KIRREL3: variants seen among roughly 807,000 people sequenced by gnomAD.
The protein encoded by KIRREL3 is kin of IRRE-like protein 3.
KIRREL3 carries 36 observed loss-of-function variants against 89.7 expected under a neutral mutation model. The ratio of observed to expected loss-of-function variants is 0.40; its 90% CI spans 0.31 to 0.53. KIRREL3 has a LOEUF of 0.53. KIRREL3 is among the 20% of genes least tolerant of loss of function. The probability of loss-of-function intolerance (pLI) is 0.49; values close to 1 mark genes in which losing one functional copy is unlikely to be tolerated. For synonymous variants in KIRREL3, 445 were observed against 441.4 expected (o/e 1.01, Z -0.10); for missense variants, 864 against 1,056.6 (o/e 0.82, Z 2.53).
intron 1 of KIRREL3, among the ~76,000 whole-genome samples, chr11:126,952,722 T>C (rs1013615288): frequency 6.6e-6 from 1 of 152,230 alleles, no homozygotes; most frequent in Admixed American, 6.5e-5. Flanking sequence ...TTTAAGTCTT[T>C]AATCCATCTT....
At chr11:126,713,097 G>A (rs1947826126) in intron 1 of KIRREL3, among the ~76,000 whole-genome samples, 2 of 152,212 alleles carry the variant, frequency 1.3e-5, no homozygotes, top group Non-Finnish European at 1.5e-5. Flanking sequence ...TGAAACTGAG[G>A]AAGCACAGGG....
rs571632292 is a variant in KIRREL3 at position 126,715,538 on chromosome 11, C to T, written c.56-152626G>A. On this transcript the variant is annotated intron_variant, in intron 1 of 16. Transcript: ENST00000525144. This position sits in a 1 kb window ranked among gnomAD's most constrained non-coding sequence, Gnocchi z 4.4. ...CCAAATGAAGATGAAAAAGCTTTTA[C>T]AGTGACAGGGAAGAAATATTGCAGG... Among the ~76,000 whole-genome samples, 104 of 152,226 alleles carry T rather than the reference C, an allele frequency of 6.8e-4. No homozygotes were observed. Among genetic ancestry groups the T allele is most frequent in the African/African-American group, 2.4e-3 (101 of 41,536 alleles).
chr11:126,448,639 A>G (rs1437339231), intron 8 of KIRREL3, among the ~76,000 whole-genome samples: 1 of 152,184 alleles, frequency 6.6e-6, no homozygotes, highest in Non-Finnish European at 1.5e-5. Flanking sequence ...TAAAGGCCCC[A>G]AGAGCTTGCT....
Position 126,498,276 on chromosome 11 carries a change from A to T in KIRREL3, c.433+23039T>A, listed in dbSNP as rs1463487137. ...TGATGTCATCAGCTAAGACAAAAAGAAAAAGAAAACGCCCATTTTCTCACT... is the reference window on the plus strand; with the variant it reads ...TGATGTCATCAGCTAAGACAAAAAGTAAAAGAAAACGCCCATTTTCTCACT... On this transcript the variant is annotated intron_variant, in intron 4 of 16. Coordinates refer to ENST00000525144, the MANE Select transcript of KIRREL3 (RefSeq NM_032531.4). This position sits in a 1 kb window ranked among gnomAD's most constrained non-coding sequence, Gnocchi z 4.3. Among the ~76,000 whole-genome samples the T allele has an allele frequency of 6.6e-6, 1 of 152,204 alleles. No homozygotes were observed. Among genetic ancestry groups the T allele is most frequent in the African/African-American group, 2.4e-5 (1 of 41,464 alleles).
At position 126,656,198 on chromosome 11, in the gene KIRREL3, A is replaced by G. The variant is rs1945129197; in HGVS notation, c.56-93286T>C. ...TGAGTGAGGTCAGGGAGGGCTACAG[A>G]GTTAGGACTCCGAAGTCAGAAAGAT... is the stretch of plus-strand genomic sequence containing the variant. On this transcript the variant is annotated intron_variant, in intron 1 of 16. Transcript: ENST00000525144. The surrounding 1 kb of genome is among the most constrained non-coding windows in gnomAD (Gnocchi z 4.0). The G allele has an allele frequency of 2.2e-6, 1 of 455,930 alleles. No individual in the cohort carries two copies. Among genetic ancestry groups the G allele is most frequent in the African/African-American group, 2.0e-5 (1 of 50,074 alleles). The allele number at this position is 455,930 out of a possible 1,614,324, so 28.2% of individuals were successfully genotyped here. A position where few individuals can be genotyped will look rare whatever the true frequency, so the allele number is the denominator to read the frequency against.
In KIRREL3 at chr11:126,463,945, G is replaced by A. The variant is rs180903276; in HGVS notation, c.592-638C>T. Among the ~76,000 whole-genome samples, 10 of 152,288 alleles carry A rather than the reference G, an allele frequency of 6.6e-5. No homozygotes were observed. Among genetic ancestry groups the A allele is most frequent in the Non-Finnish European group, 1.0e-4 (7 of 68,034 alleles). On this transcript the variant is annotated intron_variant, in intron 5 of 16. Transcript: ENST00000525144. This position sits in a 1 kb window ranked among gnomAD's most constrained non-coding sequence, Gnocchi z 5.9. ...TACCATTATCTCCCATTGGATAGGG[G>A]AGGAAATAGGTGGGCTAGACAGAGG... is the stretch of plus-strand genomic sequence containing the variant.
intron 1 of KIRREL3, chr11:126,936,490 A>C (rs979178434): frequency 3.3e-5 from 5 of 151,870 alleles, no homozygotes; most frequent in Non-Finnish European, 5.9e-5. Flanking sequence ...AAAAATCTAA[A>C]TGTCCATCGA....
At chr11:126,849,182 T>C (rs775792957) in intron 1 of KIRREL3, among the ~76,000 whole-genome samples, 18 of 152,148 alleles carry the variant, frequency 1.2e-4, no homozygotes, top group Non-Finnish European at 2.6e-4. Context: ...CAAACCAAGA[T>C]GTCGATGAGA....
At chr11:126,631,689 C>A (rs540281385) in intron 1 of KIRREL3, among the ~76,000 whole-genome samples, 7 of 152,300 alleles carry the variant, frequency 4.6e-5, no homozygotes, top group African/African-American at 1.4e-4. Context: ...TAATAACAAT[C>A]CTTTACTTTT....
chr11:126,507,208 G>A (rs578186040), intron 4 of KIRREL3, among the ~76,000 whole-genome samples: 314 of 152,260 alleles, frequency 2.1e-3, no homozygotes, highest in Non-Finnish European at 3.7e-3. Flanking sequence ...GACTGGGTGG[G>A]AGTGAGGATT....
chr11:127,000,429 C>T lies in KIRREL3; in HGVS notation c.55+26G>A. ...CCTGACAACCCAGCCGACTTTCTTC[C>T]AACTCCAGCAGCGCAGGGGTCCTAC... On this transcript the variant is annotated intron_variant, in intron 1 of 16. Transcript: ENST00000525144. The surrounding 1 kb of genome is among the most constrained non-coding windows in gnomAD (Gnocchi z 7.1). The T allele has an allele frequency of 2.5e-6, 4 of 1,583,166 alleles. No homozygotes were observed. Among genetic ancestry groups the T allele is most frequent in the South Asian group, 2.3e-5 (2 of 85,736 alleles).
intron 1 of KIRREL3, among the ~76,000 whole-genome samples, chr11:126,925,900 C>T (rs1947694104): frequency 6.6e-6 from 1 of 152,210 alleles, no homozygotes; most frequent in Non-Finnish European, 1.5e-5. Flanking sequence ...GGGCTTTCTG[C>T]CAGGTTGACA....
chr11:126,921,606 CTAT>C (rs1375254017), intron 1 of KIRREL3, among the ~76,000 whole-genome samples: 23,993 of 80,392 alleles, frequency 0.3, 5,278 homozygotes, highest in African/African-American at 0.55. Context: ...ATCTATCTAT[CTAT>C]CTATCTATCT....
Position 126,708,088 on chromosome 11 carries a change from C to T in KIRREL3, c.56-145176G>A, listed in dbSNP as rs1466176278. Among the ~76,000 whole-genome samples the T allele has an allele frequency of 2.0e-5, 3 of 152,136 alleles. No individual in the cohort carries two copies. The highest frequency in any genetic ancestry group is 4.4e-5 in the Non-Finnish European group (3 of 68,034). ...CTCCATAGGTCCCAGGGTATCCGTG[C>T]CCCGTTTGATCAGAAAGAAACACAC... On this transcript the variant is annotated intron_variant, in intron 1 of 16. Coordinates refer to ENST00000525144, the MANE Select transcript of KIRREL3 (RefSeq NM_032531.4). The surrounding 1 kb of genome is among the most constrained non-coding windows in gnomAD (Gnocchi z 5.7).
Position 126,891,892 on chromosome 11 carries a change from C to G in KIRREL3, c.55+108563G>C, listed in dbSNP as rs573249122. Among the ~76,000 whole-genome samples the G allele has an allele frequency of 1.3e-5, 2 of 152,288 alleles. No individual in the cohort carries two copies. The highest frequency in any genetic ancestry group is 2.1e-4 in the South Asian group (1 of 4,828). ...ATCTAGCCCAGGGAAAGAAATCTTG[C>G]CCAAGAATACATATGAATATCTGCA... On this transcript the variant is annotated intron_variant, in intron 1 of 16. Transcript: ENST00000525144. This position sits in a 1 kb window ranked among gnomAD's most constrained non-coding sequence, Gnocchi z 5.1.
chr11:126,488,755 C>G (rs537951932), intron 4 of KIRREL3, among the ~76,000 whole-genome samples: 2 of 152,354 alleles, frequency 1.3e-5, no homozygotes, highest in Admixed American at 1.3e-4. Context: ...CTCCTCTGGC[C>G]TCTCCCTGCT....
intron 1 of KIRREL3, among the ~76,000 whole-genome samples, chr11:126,743,783 C>T (rs1038915442): frequency 6.4e-4 from 97 of 152,140 alleles, no homozygotes; most frequent in Non-Finnish European, 1.1e-3. Context: ...CTGAGTTGCT[C>T]AGCACAGTTC....
At position 126,553,773 on chromosome 11, in the gene KIRREL3, C is replaced by T. The variant is rs142573624; in HGVS notation, c.133+9062G>A. On this transcript the variant is annotated intron_variant, in intron 2 of 16. Coordinates refer to ENST00000525144, the MANE Select transcript of KIRREL3 (RefSeq NM_032531.4). The surrounding 1 kb of genome is among the most constrained non-coding windows in gnomAD (Gnocchi z 4.7). ...TCCATTGCCCTTCTGCCTGGCCACT[C>T]GGCCAGGCCATTGGTCACTGCCCAT... is the stretch of plus-strand genomic sequence containing the variant. Among the ~76,000 whole-genome samples the T allele has an allele frequency of 8.3e-4, 127 of 152,318 alleles. No individual in the cohort carries two copies. Among genetic ancestry groups the T allele is most frequent in the Middle Eastern group, 3.4e-3 (1 of 294 alleles).
At chr11:126,657,237 CAAATAAATAATTAAATAAAT>C (rs1174212797) in intron 1 of KIRREL3, among the ~76,000 whole-genome samples, 9 of 81,486 alleles carry the variant, frequency 1.1e-4, no homozygotes, top group East Asian at 7.2e-4. Context: ...ATGAGAATTC[CAAATAAATAATTAAATAAAT>C]AAATAAATAA....
Sources: allele counts gnomAD v4.1 joint callset (sites outside exome capture counted in the v4.1 genomes callset), GRCh38; gene constraint gnomAD v4.1.1; non-coding constraint Gnocchi (gnomAD v3.1); transcripts MANE v1.5; gene names NCBI Gene and HGNC (gene_info 2026-07-23, HGNC 2026-07-21).